EML4: variants seen among roughly 807,000 people sequenced by gnomAD.
EML4 encodes EMAP like 4.
EML4 carries 72 observed loss-of-function variants against 129.0 expected under a neutral mutation model. The ratio of observed to expected loss-of-function variants is 0.56; its 90% confidence interval spans 0.46 to 0.68. The LOEUF (loss-of-function observed/expected upper bound fraction) is 0.68. EML4 is among the 30% of genes least tolerant of loss of function. The pLI, the probability that EML4 is intolerant of heterozygous loss-of-function variation, is 0.00. For synonymous variants in EML4, 532 were observed against 405.0 expected (o/e 1.31, Z -3.77); for missense variants, 1,363 against 1,190.6 (o/e 1.14, Z -2.13).
intron 14 of EML4, 89 bp downstream of exon 14, chr2:42,301,481 A>T: frequency 4.9e-6 from 5 of 1,026,808 alleles, no homozygotes; most frequent in Non-Finnish European, 6.7e-6. Context: ...TTTTCTGGCA[A>T]ACTTATTAAA....
intron 16 of EML4, among the ~76,000 whole-genome samples, chr2:42,304,191 G>A (rs1453708718): frequency 2.6e-5 from 4 of 152,072 alleles, no homozygotes; most frequent in South Asian, 2.1e-4. Context: ...GTGTATATAA[G>A]TTCTTTGTGG....
chr2:42,287,344 T>C (rs1267887136), intron 10 of EML4, among the ~76,000 whole-genome samples: 1 of 152,214 alleles, frequency 6.6e-6, no homozygotes, highest in East Asian at 1.9e-4. Flanking sequence ...TACTTTATTT[T>C]CTCCCATAAA....
At chr2:42,263,123 G>T in intron 4 of EML4, 55 bp from the exon 5 acceptor site, 1 of 1,445,566 alleles carries the variant, frequency 6.9e-7, no homozygotes, top group East Asian at 2.3e-5. Flanking sequence ...TAAATTGTCA[G>T]TTACATGTCT....
At chr2:42,173,845 A>AAAAT (rs1553355990) in intron 1 of EML4, among the ~76,000 whole-genome samples, 5 of 152,170 alleles carry the variant, frequency 3.3e-5, no homozygotes, top group African/African-American at 7.2e-5. Flanking sequence ...CTGCCTCTAA[A>AAAAT]AAATAAATAA....
intron 1 of EML4, among the ~76,000 whole-genome samples, chr2:42,209,813 C>T (rs184922806): frequency 1.5e-4 from 23 of 152,166 alleles, no homozygotes; most frequent in Non-Finnish European, 2.9e-4. Flanking sequence ...CCTGTAATCC[C>T]AGCTGCTTGG....
At position 42,294,126 on chromosome 2, in the gene EML4, A is replaced by T. The variant is rs1032799917; in HGVS notation, c.1219-999A>T. On this transcript the variant is annotated intron_variant, in intron 11 of 22. Coordinates refer to ENST00000318522, the MANE Select transcript of EML4 (RefSeq NM_019063.5). ...ATTATGATTTACTGAAATTATAGAA[A>T]TACACTGTTTTAGAATGATATCCTC... 4.6e-5 allele frequency among the ~76,000 whole-genome samples: 7 copies of T among 152,248 alleles called. No homozygotes were observed. The East Asian group carries it at 1.3e-3, about 29-fold the overall frequency.
intron 2 of EML4, 95 bp from the exon 3 acceptor site, chr2:42,256,406 C>G: frequency 8.0e-7 from 1 of 1,250,162 alleles, no homozygotes; most frequent in Non-Finnish European, 1.1e-6. Context: ...TTTTTTTCTA[C>G]CACCCCCTCC....
chr2:42,266,836 C>G (rs1212997497), intron 6 of EML4, among the ~76,000 whole-genome samples: 1 of 152,056 alleles, frequency 6.6e-6, no homozygotes, highest in Non-Finnish European at 1.5e-5. Context: ...TTTCACATGA[C>G]TACTGAAGGA....
chr2:42,315,141 A>T (rs1166029786), intron 17 of EML4, among the ~76,000 whole-genome samples: 1 of 152,160 alleles, frequency 6.6e-6, no homozygotes, highest in African/African-American at 2.4e-5. Context: ...TTAGCTATAC[A>T]GCTGCTGTTC....
chr2:42,276,906 C>CT (rs899603644), intron 6 of EML4, among the ~76,000 whole-genome samples: 10 of 152,162 alleles, frequency 6.6e-5, no homozygotes, highest in Admixed American at 5.9e-4. Flanking sequence ...CATTGTCATC[C>CT]TAATATGCAT....
At chr2:42,231,438 T>C (rs1301930484) in intron 1 of EML4, among the ~76,000 whole-genome samples, 2 of 152,216 alleles carry the variant, frequency 1.3e-5, no homozygotes, top group African/African-American at 4.8e-5. Flanking sequence ...ATACTTTTGT[T>C]ATAATGACCT....
chr2:42,197,361 A>G (rs1299986170), intron 1 of EML4, among the ~76,000 whole-genome samples: 1 of 152,076 alleles, frequency 6.6e-6, no homozygotes, highest in Non-Finnish European at 1.5e-5. Flanking sequence ...ACCACGCCCC[A>G]TCTTTTAAAC....
At chr2:42,255,392 C>CA (rs1309104442) in intron 2 of EML4, among the ~76,000 whole-genome samples, 1 of 152,038 alleles carries the variant, frequency 6.6e-6, no homozygotes, top group Non-Finnish European at 1.5e-5. Context: ...CCAATGGATA[C>CA]ATGGTTTCTA....
chr2:42,329,567 G>A (rs921265166), intron 22 of EML4, among the ~76,000 whole-genome samples, 167 bp from the exon 23 acceptor site: 21 of 152,134 alleles, frequency 1.4e-4, no homozygotes, highest in African/African-American at 5.1e-4. Context: ...GATAATAAAA[G>A]GAAATAACGG....
intron 1 of EML4, among the ~76,000 whole-genome samples, chr2:42,196,571 T>C (rs1671907047): frequency 6.6e-6 from 1 of 152,226 alleles, no homozygotes; most frequent in African/African-American, 2.4e-5. Flanking sequence ...ATGTCTGCTC[T>C]GACTACACTT....
At chr2:42,256,771 G>C (rs947516257) in intron 3 of EML4, 141 bp downstream of exon 3, 2 of 1,071,948 alleles carry the variant, frequency 1.9e-6, no homozygotes, top group Non-Finnish European at 2.7e-6. Flanking sequence ...TGTGAAAGTA[G>C]AGACATTTAG....
At chr2:42,206,671 G>C (rs1164036066) in intron 1 of EML4, among the ~76,000 whole-genome samples, 1 of 152,052 alleles carries the variant, frequency 6.6e-6, no homozygotes, top group Non-Finnish European at 1.5e-5. Context: ...ATTTAGTTTT[G>C]TCTGATATTT....
At chr2:42,265,015 C>A in intron 6 of EML4, 2 of 1,435,560 alleles carry the variant, frequency 1.4e-6, no homozygotes, top group Admixed American at 2.1e-5. Context: ...TCTTATTTGG[C>A]TTTTTATTAT....
intron 1 of EML4, among the ~76,000 whole-genome samples, chr2:42,194,372 A>C (rs558808099): frequency 1.6e-5 from 2 of 128,688 alleles, no homozygotes; most frequent in Non-Finnish European, 3.3e-5. Flanking sequence ...GCACTGGATA[A>C]TTTATATCAT....
Sources: gnomAD v4.1 joint callset for allele counts (sites outside exome capture counted in the v4.1 genomes callset) on GRCh38, gnomAD v4.1.1 for gene constraint, MANE v1.5 for transcripts, NCBI Gene and HGNC (gene_info 2026-07-23, HGNC 2026-07-21) for gene names.